The following CD86 variants were observed in gnomAD, a reference collection of about 807,000 sequenced individuals.
The protein encoded by CD86 is T-lymphocyte activation antigen CD86.
Under a neutral mutation model 32.1 loss-of-function variants are expected in CD86, and 11 were observed. The ratio of observed to expected loss-of-function variants is 0.34; its 90% CI spans 0.22 to 0.57. The LOEUF is 0.57. Among genes scored for constraint, CD86 ranks in the 20% least tolerant of loss-of-function variants. The probability of loss-of-function intolerance (pLI) is 0.86; values close to 1 mark genes in which losing one functional copy is unlikely to be tolerated. For missense variants in CD86, 359 were observed against 398.4 expected (o/e 0.90, Z 0.84); for synonymous variants, 137 against 135.3 (o/e 1.01, Z -0.09).
chr3:122,058,587 A>G (rs1398897729), intron 1 of CD86, among the ~76,000 whole-genome samples: 3 of 152,096 alleles, frequency 2.0e-5, no homozygotes, highest in African/African-American at 4.8e-5. Context: ...GCATGGGGGA[A>G]TTTTAAGTAT....
intron 2 of CD86, among the ~76,000 whole-genome samples, chr3:122,103,266 A>T (rs1015861426): frequency 3.3e-5 from 5 of 151,984 alleles, no homozygotes; most frequent in Admixed American, 3.3e-4. Flanking sequence ...CATTAATCAG[A>T]TGAGGAAACT....
In CD86 at chr3:122,115,790, C is replaced by A. The variant is rs547088847; in HGVS notation, c.848-2258C>A. Among the ~76,000 whole-genome samples, 98 of 146,288 alleles carry A rather than the reference C, an allele frequency of 6.7e-4. 2 individuals are homozygous for A. Among genetic ancestry groups the A allele is most frequent in the African/African-American group, 2.4e-3 (97 of 40,104 alleles). ...AAAGAACAAAGGTGGACTTAACCTA[C>A]CTAATTTCAATATTTACTATATATA... On this transcript the variant is annotated intron_variant, in intron 5 of 6. Transcript: ENST00000330540.
In CD86 at chr3:122,109,394, A is replaced by T. The variant is rs1291252489; in HGVS notation, c.833A>T (p.Asn278Ile). The T allele has an allele frequency of 7.4e-6, 12 of 1,613,894 alleles. No individual in the cohort carries two copies. Among genetic ancestry groups the T allele is most frequent in the Non-Finnish European group, 1.0e-5 (12 of 1,179,932 alleles). The change falls in exon 5 of 7, where the codon AAC becomes ATC. Residue 278 changes from asparagine (N) to isoleucine (I), a missense_variant. Asn to Ile is a moderately radical substitution (Grantham distance 149, BLOSUM62 -3). Coordinates refer to ENST00000330540, the MANE Select transcript of CD86 (RefSeq NM_175862.5). ...TGGAAGAAGAAGAAGCGGCCTCGCA[A>T]CTCTTATAAATGTGGTGAGTGAGTC... ...WKWKKKKRPRNSYKCGTNTME... is the reference protein window; with the variant it reads ...WKWKKKKRPRISYKCGTNTME...
intron 1 of CD86, among the ~76,000 whole-genome samples, chr3:122,076,570 G>A (rs1474269845): frequency 6.6e-6 from 1 of 152,202 alleles, no homozygotes; most frequent in Non-Finnish European, 1.5e-5. Context: ...GACCCTGTGA[G>A]TCAAGACCCT....
At chr3:122,091,689 C>T (rs1220346120) in intron 2 of CD86, 39 bp downstream of exon 2, 1 of 1,553,602 alleles carries the variant, frequency 6.4e-7, no homozygotes, top group South Asian at 1.1e-5. Context: ...TGGAATCCTA[C>T]TGTCTCCTGA....
intron 1 of CD86, among the ~76,000 whole-genome samples, chr3:122,064,298 T>C (rs940327088): frequency 6.6e-6 from 1 of 152,156 alleles, no homozygotes; most frequent in African/African-American, 2.4e-5. Flanking sequence ...ATAGTCATAG[T>C]AGTTACCTCT....
intron 2 of CD86, among the ~76,000 whole-genome samples, chr3:122,095,996 T>C (rs1035643549): frequency 6.6e-6 from 1 of 152,186 alleles, no homozygotes; most frequent in African/African-American, 2.4e-5. Flanking sequence ...CTGTGGCTTA[T>C]TTTTCCTTTG....
intron 1 of CD86, among the ~76,000 whole-genome samples, chr3:122,086,942 T>A (rs141095740): frequency 6.6e-6 from 1 of 152,292 alleles, no homozygotes; most frequent in East Asian, 1.9e-4. Flanking sequence ...ACAGGCTGCA[T>A]GGGTTTAAAT....
At chr3:122,101,617 T>C (rs1459177224) in intron 2 of CD86, among the ~76,000 whole-genome samples, 1 of 148,650 alleles carries the variant, frequency 6.7e-6, no homozygotes, top group Non-Finnish European at 1.5e-5. Flanking sequence ...AGCTGAGTAA[T>C]AACATAACAT....
At chr3:122,114,307 A>G (rs1339417796) in intron 5 of CD86, among the ~76,000 whole-genome samples, 1 of 151,972 alleles carries the variant, frequency 6.6e-6, no homozygotes, top group Non-Finnish European at 1.5e-5. Flanking sequence ...ATTGTATAGA[A>G]GAAGTAGACT....
At chr3:122,078,899 G>C (rs1019079237) in intron 1 of CD86, among the ~76,000 whole-genome samples, 2 of 152,206 alleles carry the variant, frequency 1.3e-5, no homozygotes, top group African/African-American at 4.8e-5. Context: ...GTCTATTTAT[G>C]TGCTCAGACT....
intron 1 of CD86, among the ~76,000 whole-genome samples, chr3:122,073,523 T>A (rs1001455022): frequency 6.6e-6 from 1 of 152,058 alleles, no homozygotes; most frequent in East Asian, 1.9e-4. Flanking sequence ...GGAGGAAGGG[T>A]TTTAAAAATA....
rs951905348 is a variant in CD86, at chr3:122,074,241, G to T, written c.15-17360G>T. ...GGGAGCACTGATGGAGGGGCAGTTG[G>T]GTTTCTACTGCTCACAGGACCCAGA... is the stretch of plus-strand genomic sequence containing the variant. On this transcript the variant is annotated intron_variant, in intron 1 of 6. Transcript: ENST00000330540. Among the ~76,000 whole-genome samples the T allele has an allele frequency of 2.7e-4, 41 of 152,148 alleles. 1 individual carries two copies. Among genetic ancestry groups the T allele is most frequent in the Non-Finnish European group, 1.6e-4 (11 of 68,020 alleles).
chr3:122,071,657 T>C (rs1175168299), intron 1 of CD86, among the ~76,000 whole-genome samples: 1 of 151,942 alleles, frequency 6.6e-6, no homozygotes, highest in African/African-American at 2.4e-5. Context: ...ATGGTAAGAG[T>C]ATATTTACTT....
At chr3:122,113,351 C>T (rs2073203196) in intron 5 of CD86, among the ~76,000 whole-genome samples, 1 of 152,126 alleles carries the variant, frequency 6.6e-6, no homozygotes, top group African/African-American at 2.4e-5. Context: ...GAATTATTTT[C>T]CTTTGGGTAT....
intron 2 of CD86, 143 bp downstream of exon 2, chr3:122,091,793 T>C (rs1408277291): frequency 2.9e-6 from 2 of 685,660 alleles, no homozygotes; most frequent in African/African-American, 1.8e-5. Flanking sequence ...AAAAAGACTT[T>C]CCTGGAGAAG....
intron 2 of CD86, among the ~76,000 whole-genome samples, chr3:122,102,776 G>C (rs76396661): frequency 0.015 from 2,329 of 152,148 alleles, 60 homozygotes; most frequent in African/African-American, 0.052. Flanking sequence ...AATTTGCCCA[G>C]TTCTCTTTCT....
intron 2 of CD86, chr3:122,092,259 C>T (rs1021658558): frequency 6.6e-6 from 1 of 152,336 alleles, no homozygotes; most frequent in African/African-American, 2.4e-5. Context: ...TCAGAGCCCT[C>T]CATTTGCACA....
At chr3:122,113,762 A>C (rs1476230797) in intron 5 of CD86, among the ~76,000 whole-genome samples, 1 of 152,228 alleles carries the variant, frequency 6.6e-6, no homozygotes, top group East Asian at 1.9e-4. Flanking sequence ...TCAGTCAATT[A>C]AGAAATAGCT....
Sources: gnomAD v4.1 joint callset for allele counts (sites outside exome capture counted in the v4.1 genomes callset) on GRCh38, gnomAD v4.1.1 for gene constraint, MANE v1.5 for transcripts, NCBI Gene and HGNC (gene_info 2026-07-23, HGNC 2026-07-21) for gene names.